Variants in PPA1 observed in about 807,000 individuals in gnomAD.
PPA1 encodes the protein inorganic pyrophosphatase 1.
In PPA1, 23 loss-of-function variants were observed where a neutral mutation model predicts 41.8. The ratio of observed to expected loss-of-function variants is 0.55; its 90% CI spans 0.40 to 0.78. The LOEUF (loss-of-function observed/expected upper bound fraction) is 0.78, where lower values mean the gene tolerates loss of function less well. PPA1 is among the 30% of genes least tolerant of loss of function. PPA1 has a pLI of 0.00. For missense variants in PPA1, 320 were observed against 361.6 expected, an observed-to-expected ratio of 0.89 and a Z score of 0.93; for synonymous variants, 101 against 116.8, an observed-to-expected ratio of 0.86 and a Z score of 0.87.
Position 70,213,580 on chromosome 10 carries a change from T to C in PPA1, c.394A>G (p.Arg132Gly). Residue 132 changes from arginine (R) to glycine (G), a missense_variant, in exon 6 of 11, where the codon AGA becomes GGA. Arg to Gly is a moderately radical substitution (Grantham distance 125). Coordinates refer to ENST00000373232, the MANE Select transcript of PPA1 (RefSeq NM_021129.4). ...ACTTTCACGCCAATTATTTCACCTC[T>C]TGCACATACCTGAGAGTCAATAGCC... ...VCEIGSKVCA[R>G]GEIIGVKVLG... 1 of 1,613,868 alleles carries C rather than the reference T, an allele frequency of 6.2e-7. No homozygotes were observed. The highest frequency in any genetic ancestry group is 8.5e-7 in the Non-Finnish European group (1 of 1,179,846).
At chr10:70,225,390 T>C (rs1297102582) in intron 2 of PPA1, among the ~76,000 whole-genome samples, 1 of 151,984 alleles carries the variant, frequency 6.6e-6, no homozygotes, top group Non-Finnish European at 1.5e-5. Flanking sequence ...TTTTTTTCTA[T>C]TTTTGGTAAA....
At chr10:70,207,701 T>C (rs746956722) in intron 8 of PPA1, among the ~76,000 whole-genome samples, 18 of 152,228 alleles carry the variant, frequency 1.2e-4, no homozygotes, top group Non-Finnish European at 2.2e-4. Flanking sequence ...GCTTATTACA[T>C]AGTGTTAAAT....
chr10:70,223,497 G>A (rs1840198002), intron 2 of PPA1, among the ~76,000 whole-genome samples: 2 of 152,140 alleles, frequency 1.3e-5, no homozygotes, highest in Admixed American at 1.3e-4. Flanking sequence ...TGGGACTACA[G>A]GTGCAAGCCA....
intron 10 of PPA1, 90 bp downstream of exon 10, chr10:70,204,779 TTTAA>T (rs1391553932): frequency 1.5e-5 from 16 of 1,035,086 alleles, no homozygotes; most frequent in Non-Finnish European, 1.9e-5. Context: ...CATAAATATA[TTTAA>T]TTATCATTTG....
At chr10:70,203,651 G>C (rs574411419) in intron 10 of PPA1, 1 of 153,888 alleles carries the variant, frequency 6.5e-6, no homozygotes. Flanking sequence ...CAAGTGATCC[G>C]CCCGCCTCAG....
chr10:70,210,176 A>G, intron 6 of PPA1: 1 of 340,034 alleles, frequency 2.9e-6, no homozygotes. Context: ...TGACCTCCAC[A>G]GTTCAGCGAT....
At position 70,209,089 on chromosome 10, in the gene PPA1, C is replaced by T. The variant is rs1297802244; in HGVS notation, c.725+116G>A. The T allele has an allele frequency of 1.3e-5, 9 of 707,366 alleles. No individual in the cohort carries two copies. The East Asian group carries it at 2.3e-4, about 18-fold the overall frequency. The allele number at this position is 707,366 out of a possible 1,614,324, so 43.8% of individuals were successfully genotyped here. On this transcript the variant is annotated intron_variant, in intron 8 of 10. Transcript: ENST00000373232. ...AATGACAGGTGTGAGCCACCGCACC[C>T]AGCCTTGTATCTCTTTTCTAAGTGA...
At chr10:70,203,511 C>T (rs1839903661) in intron 10 of PPA1, 2 of 236,372 alleles carry the variant, frequency 8.5e-6, no homozygotes, top group Non-Finnish European at 8.2e-6. Flanking sequence ...TCAAGCAATT[C>T]TCGTGCCTCA....
At chr10:70,225,649 CT>C (rs5785966) in intron 2 of PPA1, among the ~76,000 whole-genome samples, 47,180 of 144,340 alleles carry the variant, frequency 0.33, 8,399 homozygotes, top group East Asian at 0.55. Context: ...CAAGCTTTAA[CT>C]TTTTTTTTTT....
intron 2 of PPA1, among the ~76,000 whole-genome samples, chr10:70,227,835 T>C (rs1025079075): frequency 4.6e-5 from 7 of 151,934 alleles, no homozygotes; most frequent in African/African-American, 1.7e-4. Flanking sequence ...TGACTGACCA[T>C]ATTAGGAATA....
At chr10:70,229,069 A>G (rs1840260361) in intron 2 of PPA1, among the ~76,000 whole-genome samples, 1 of 152,236 alleles carries the variant, frequency 6.6e-6, no homozygotes, top group Non-Finnish European at 1.5e-5. Flanking sequence ...GAAAGGTAGA[A>G]AAAGAATAAG....
intron 2 of PPA1, 119 bp downstream of exon 2, chr10:70,230,222 T>G: frequency 8.2e-7 from 1 of 1,223,108 alleles, no homozygotes; most frequent in Admixed American, 2.3e-5. Flanking sequence ...TCAACAGACC[T>G]TTAGCTCACA....
At chr10:70,224,344 A>G (rs1840206206) in intron 2 of PPA1, among the ~76,000 whole-genome samples, 1 of 152,128 alleles carries the variant, frequency 6.6e-6, no homozygotes, top group African/African-American at 2.4e-5. Context: ...AGATGTCCAG[A>G]TTCTAAGGAA....
In PPA1 at chr10:70,202,986, A is replaced by G; in HGVS notation, c.*169T>C. On this transcript the variant is annotated 3_prime_UTR_variant, in exon 11 of 11. Coordinates refer to ENST00000373232, the MANE Select transcript of PPA1 (RefSeq NM_021129.4). ...AGTTATCTTAGTTGAGATATGAAAA[A>G]TGCTTTAGATGGATAACATTCTGAG... is the stretch of plus-strand genomic sequence containing the variant. 3.0e-6 allele frequency: 2 copies of G among 676,702 alleles called. No homozygotes were observed. The allele number at this position is 676,702 out of a possible 1,614,324, so 41.9% of individuals were successfully genotyped here.
rs1564583960 is a variant in PPA1, at chr10:70,220,599, ATTTATATATAT to A, written c.124-1793_124-1783del. Among the ~76,000 whole-genome samples, 28 of 14,528 alleles carry A rather than the reference ATTTATATATAT, an allele frequency of 1.9e-3. 5 individuals are homozygous for A. The highest frequency in any genetic ancestry group is 5.8e-3 in the African/African-American group (27 of 4,678). The allele number at this position is 14,528 out of a possible 152,430, so 9.5% of individuals were successfully genotyped here. On this transcript the variant is annotated intron_variant, in intron 2 of 10. Transcript: ENST00000373232. ...TATATATAATTATATATTATATATA[ATTTATATATAT>A]ATTATATATAATTTATATATATATA...
intron 2 of PPA1, among the ~76,000 whole-genome samples, chr10:70,225,310 G>C (rs2394670): frequency 0.88 from 133,368 of 152,086 alleles, 58,590 homozygotes; most frequent in East Asian, 1. Flanking sequence ...CTCCGTCTCC[G>C]GGGCTCAAGT....
chr10:70,227,035 C>T (rs532910897), intron 2 of PPA1, among the ~76,000 whole-genome samples: 30 of 152,258 alleles, frequency 2.0e-4, no homozygotes, highest in African/African-American at 7.2e-4. Flanking sequence ...GATATTTGAG[C>T]ACTTTAAGAT....
At chr10:70,206,510 TG>T (rs1839940512) in intron 8 of PPA1, among the ~76,000 whole-genome samples, 177 bp from the exon 9 acceptor site, 1 of 152,138 alleles carries the variant, frequency 6.6e-6, no homozygotes, top group Non-Finnish European at 1.5e-5. Context: ...GCTATTCTTG[TG>T]ATCAATTTTA....
chr10:70,223,237 C>T (rs61858173), intron 2 of PPA1, among the ~76,000 whole-genome samples: 23 of 81,740 alleles, frequency 2.8e-4, no homozygotes, highest in Admixed American at 2.4e-3. Context: ...GAGAGAGAGA[C>T]GGGGTCTCAC....
Sources: gnomAD v4.1 joint callset for allele counts (sites outside exome capture counted in the v4.1 genomes callset) on GRCh38, gnomAD v4.1.1 for gene constraint, MANE v1.5 for transcripts, NCBI Gene and HGNC (gene_info 2026-07-23, HGNC 2026-07-21) for gene names.